Variants in PPHLN1 observed in about 807,000 individuals in gnomAD.
PPHLN1 encodes the protein periphilin-1.
A neutral mutation model predicts 51.3 loss-of-function variants in PPHLN1; 29 were observed. That is an observed-to-expected ratio of 0.57 (90% CI 0.42 to 0.77). The LOEUF (loss-of-function observed/expected upper bound fraction) is 0.77. Ranked by LOEUF, PPHLN1 falls within the 30% of genes least tolerant of loss-of-function variation. PPHLN1 has a pLI of 0.00. For synonymous variants in PPHLN1, 147 were observed against 147.8 expected (o/e 0.99, Z 0.04); for missense variants, 436 against 438.4 (o/e 0.99, Z 0.05).
chr12:42,342,420 C>T (rs969216488), intron 2 of PPHLN1, among the ~76,000 whole-genome samples: 11 of 152,298 alleles, frequency 7.2e-5, no homozygotes, highest in Admixed American at 4.6e-4. Context: ...ATGCCCAGCC[C>T]AGAATGGCTT....
In PPHLN1 at chr12:42,340,330, G is replaced by A. The variant is rs11181435; in HGVS notation, c.72+4356G>A. ...CTGTCTCAAAAAAAAAAAAAAAAAA[G>A]ATTTAAAAATATTTGCTTAGATAAT... On this transcript the variant is annotated intron_variant, in intron 2 of 9. Coordinates refer to ENST00000358314, the MANE Select transcript of PPHLN1 (RefSeq NM_201439.2). Among the ~76,000 whole-genome samples, 941 of 100,746 alleles carry A rather than the reference G, an allele frequency of 9.3e-3. 9 individuals are homozygous for A. The highest frequency in any genetic ancestry group is 0.058 in the East Asian group (213 of 3,642). The allele number at this position is 100,746 out of a possible 152,430, so 66.1% of individuals were successfully genotyped here.
chr12:42,417,333 G>A (rs1243431533), intron 9 of PPHLN1, among the ~76,000 whole-genome samples: 1 of 152,134 alleles, frequency 6.6e-6, no homozygotes, highest in Non-Finnish European at 1.5e-5. Context: ...AGGAGGAAAG[G>A]AAAATAAAGG....
At chr12:42,378,426 T>C (rs1465438613) in intron 5 of PPHLN1, among the ~76,000 whole-genome samples, 1 of 152,144 alleles carries the variant, frequency 6.6e-6, no homozygotes, top group Non-Finnish European at 1.5e-5. Context: ...CCTGGCTTTT[T>C]TTCAAAAGAG....
At chr12:42,371,656 C>G (rs1046673958) in intron 4 of PPHLN1, among the ~76,000 whole-genome samples, 1 of 152,130 alleles carries the variant, frequency 6.6e-6, no homozygotes, top group Non-Finnish European at 1.5e-5. Context: ...CTACTAACCG[C>G]ATGTACCTTT....
At chr12:42,428,181 CATT>C (rs1401200044) in intron 9 of PPHLN1, among the ~76,000 whole-genome samples, 1 of 152,272 alleles carries the variant, frequency 6.6e-6, no homozygotes, top group African/African-American at 2.4e-5. Context: ...CTAGTACAGC[CATT>C]ATGGAAAACG....
At position 42,337,251 on chromosome 12, in the gene PPHLN1, T is replaced by C. The variant is rs558851410; in HGVS notation, c.72+1277T>C. Among the ~76,000 whole-genome samples the C allele has an allele frequency of 1.4e-4, 22 of 152,146 alleles. No homozygotes were observed. The South Asian group carries it at 4.4e-3, about 30-fold the overall frequency. On this transcript the variant is annotated intron_variant, in intron 2 of 9. Transcript: ENST00000358314. ...ATATCCCATTAGGAATTGTTCTGTTTTTTTTTTTCTTTTTTCTTTTTTTTT... is the reference window on the plus strand; with the variant it reads ...ATATCCCATTAGGAATTGTTCTGTTCTTTTTTTTCTTTTTTCTTTTTTTTT...
At chr12:42,341,499 T>C (rs2071493460) in intron 2 of PPHLN1, among the ~76,000 whole-genome samples, 1 of 152,200 alleles carries the variant, frequency 6.6e-6, no homozygotes, top group Non-Finnish European at 1.5e-5. Context: ...TGAACACTAA[T>C]ATACTTTGGT....
At chr12:42,357,699 T>C (rs1394488413) in intron 4 of PPHLN1, among the ~76,000 whole-genome samples, 5 of 152,156 alleles carry the variant, frequency 3.3e-5, no homozygotes, top group African/African-American at 1.2e-4. Context: ...TCCCAAGAAA[T>C]TTATTTTAGC....
At chr12:42,397,819 G>A (rs139194561) in intron 8 of PPHLN1, among the ~76,000 whole-genome samples, 34 of 152,156 alleles carry the variant, frequency 2.2e-4, no homozygotes, top group African/African-American at 7.9e-4. Context: ...TTGGCTCACT[G>A]CAACCTCTGC....
intron 4 of PPHLN1, among the ~76,000 whole-genome samples, chr12:42,368,304 C>T (rs1437218368): frequency 6.6e-6 from 1 of 152,006 alleles, no homozygotes; most frequent in Middle Eastern, 3.2e-3. Context: ...CTGAATTTAT[C>T]ATGATATGCG....
chr12:42,336,616 GTT>G (rs2137816558), intron 2 of PPHLN1, among the ~76,000 whole-genome samples: 1 of 152,282 alleles, frequency 6.6e-6, no homozygotes, highest in South Asian at 2.1e-4. Flanking sequence ...AGAACTTACT[GTT>G]TTGTTTACTA....
intron 2 of PPHLN1, among the ~76,000 whole-genome samples, chr12:42,345,095 C>T (rs1463081605): frequency 6.6e-6 from 1 of 152,060 alleles, no homozygotes; most frequent in Non-Finnish European, 1.5e-5. Flanking sequence ...GAAAGCATTT[C>T]CTGTAACCGA....
At chr12:42,332,497 G>T (rs565276001) in intron 1 of PPHLN1, among the ~76,000 whole-genome samples, 66 of 152,260 alleles carry the variant, frequency 4.3e-4, no homozygotes, top group Admixed American at 1.2e-3. Flanking sequence ...AACTTGGGTG[G>T]CCTCTGGTGG....
intron 4 of PPHLN1, among the ~76,000 whole-genome samples, chr12:42,365,291 T>C (rs1346186538): frequency 1.3e-5 from 2 of 152,238 alleles, no homozygotes; most frequent in African/African-American, 4.8e-5. Context: ...TTTTTGGAAG[T>C]CCCTATTGAC....
Position 42,384,942 on chromosome 12 carries a change from T to C in PPHLN1, c.514T>C (p.Ser172Pro). ...YSFHQSQHRK[S>P]VRPGASYKRQ... ...CCTCCCTGCCCACCTTTCCATAGAGTCCGTGCGTCCTGGTGCCTCCTACAA... is the reference window on the plus strand; with the variant it reads ...CCTCCCTGCCCACCTTTCCATAGAGCCCGTGCGTCCTGGTGCCTCCTACAA... The change falls in exon 6 of 10, where the codon TCC becomes CCC. Residue 172 changes from serine to proline, a missense_variant and splice_region_variant. Ser to Pro is a moderately conservative substitution (Grantham distance 74, BLOSUM62 -1). Coordinates refer to ENST00000358314, the MANE Select transcript of PPHLN1 (RefSeq NM_201439.2). 1.2e-6 allele frequency: 2 copies of C among 1,608,900 alleles called. No individual in the cohort carries two copies. Among genetic ancestry groups the C allele is most frequent in the East Asian group, 2.2e-5 (1 of 44,858 alleles).
chr12:42,403,091 G>A (rs2078981051), intron 9 of PPHLN1, among the ~76,000 whole-genome samples: 1 of 152,202 alleles, frequency 6.6e-6, no homozygotes, highest in East Asian at 1.9e-4. Context: ...TTTCAAAGTA[G>A]TGGCAGCTGT....
chr12:42,332,448 T>C (rs1384868241), intron 1 of PPHLN1, among the ~76,000 whole-genome samples: 1 of 152,212 alleles, frequency 6.6e-6, no homozygotes, highest in Non-Finnish European at 1.5e-5. Flanking sequence ...ACTAGACTTC[T>C]AGGACTAGAA....
At chr12:42,421,463 T>G (rs760560586) in intron 9 of PPHLN1, among the ~76,000 whole-genome samples, 4 of 152,146 alleles carry the variant, frequency 2.6e-5, no homozygotes, top group Non-Finnish European at 5.9e-5. Flanking sequence ...TTCTCCTGTC[T>G]CAGCCTCCCT....
intron 2 of PPHLN1, 80 bp from the exon 3 acceptor site, chr12:42,351,805 C>T: frequency 8.3e-7 from 1 of 1,211,318 alleles, no homozygotes; most frequent in Non-Finnish European, 1.1e-6. Flanking sequence ...AGGGTAAGAA[C>T]TCCTGTGCTT....
Sources: gnomAD v4.1 joint callset for allele counts (sites outside exome capture counted in the v4.1 genomes callset) on GRCh38, gnomAD v4.1.1 for gene constraint, MANE v1.5 for transcripts, NCBI Gene and HGNC (gene_info 2026-07-23, HGNC 2026-07-21) for gene names.